TTC17: variants seen among roughly 807,000 people sequenced by gnomAD.
The protein encoded by TTC17 is tetratricopeptide repeat protein 17.
Under a neutral mutation model 143.8 loss-of-function variants are expected in TTC17, and 58 were observed. The ratio of observed to expected loss-of-function variants is 0.40; its 90% confidence interval spans 0.33 to 0.50. The LOEUF (loss-of-function observed/expected upper bound fraction) is 0.50, where lower values mean the gene tolerates loss of function less well. Ranked by LOEUF, TTC17 falls within the 20% of genes least tolerant of loss-of-function variation. The probability of loss-of-function intolerance (pLI) is 0.49; values close to 1 mark genes in which losing one functional copy is unlikely to be tolerated. For synonymous variants in TTC17, 501 were observed against 497.8 expected (o/e 1.01, Z -0.09); for missense variants, 1,273 against 1,392.5 (o/e 0.91, Z 1.37).
chr11:43,391,712 T>C, intron 4 of TTC17, 109 bp from the exon 5 acceptor site: 3 of 1,425,742 alleles, frequency 2.1e-6, no homozygotes, highest in Non-Finnish European at 2.8e-6. Context: ...CTCTTATTTC[T>C]TAAAATTCCA....
At chr11:43,403,277 A>T (rs886341574) in intron 10 of TTC17, among the ~76,000 whole-genome samples, 1 of 152,166 alleles carries the variant, frequency 6.6e-6, no homozygotes, top group East Asian at 1.9e-4. Context: ...TTGTATCACC[A>T]CTATATAGTG....
At chr11:43,433,394 A>G (rs1947205126) in intron 16 of TTC17, among the ~76,000 whole-genome samples, 1 of 152,150 alleles carries the variant, frequency 6.6e-6, no homozygotes, top group South Asian at 2.1e-4. Context: ...TTTGATGCCT[A>G]CTTCCAAGAA....
rs1199240747 is a variant in TTC17, at chr11:43,391,514, C to A, written c.469C>A (p.Gln157Lys). 2 of 1,608,492 alleles carry A rather than the reference C, an allele frequency of 1.2e-6. No individual in the cohort carries two copies. The highest frequency in any genetic ancestry group is 3.4e-5 in the Admixed American group (2 of 58,182). The part of the protein sequence containing the change: ...TESPVPPDPE[Q>K]PDCTKILELP... ...ATCTCCTGTCCCTCCAGACCCAGAGCAACCTGATTGTACTAAAATTCTAGA... is the reference window on the plus strand; with the variant it reads ...ATCTCCTGTCCCTCCAGACCCAGAGAAACCTGATTGTACTAAAATTCTAGA... The change falls in exon 4 of 24, where the codon CAA becomes AAA. Residue 157 changes from glutamine to lysine, a missense_variant. Coordinates refer to ENST00000039989, the MANE Select transcript of TTC17 (RefSeq NM_018259.6).
At chr11:43,382,321 G>A (rs1390452204) in intron 2 of TTC17, among the ~76,000 whole-genome samples, 14 of 152,158 alleles carry the variant, frequency 9.2e-5, no homozygotes, top group Admixed American at 5.2e-4. Context: ...CCTAGTGGAA[G>A]TTCATAGAAT....
intron 16 of TTC17, among the ~76,000 whole-genome samples, chr11:43,429,544 A>T (rs1947105998): frequency 6.6e-6 from 1 of 152,200 alleles, no homozygotes; most frequent in South Asian, 2.1e-4. Context: ...CAACTGAAAG[A>T]TATATTTTTG....
At chr11:43,489,291 GAATGGTC>G (rs1388108970) in intron 21 of TTC17, among the ~76,000 whole-genome samples, 1 of 152,134 alleles carries the variant, frequency 6.6e-6, no homozygotes, top group Admixed American at 6.5e-5. Flanking sequence ...AAATATGGAA[GAATGGTC>G]AACTCTACTC....
At chr11:43,421,211 G>A (rs1217839595) in intron 16 of TTC17, among the ~76,000 whole-genome samples, 1 of 152,146 alleles carries the variant, frequency 6.6e-6, no homozygotes, top group Non-Finnish European at 1.5e-5. Context: ...CATAAGACTT[G>A]AGGAAGGATA....
intron 20 of TTC17, among the ~76,000 whole-genome samples, chr11:43,450,651 G>C (rs1158160756): frequency 2.6e-5 from 4 of 152,172 alleles, no homozygotes; most frequent in Non-Finnish European, 5.9e-5. Flanking sequence ...TCCAACAGTA[G>C]AGGATTGGTT....
chr11:43,483,065 A>G (rs1290731294), intron 21 of TTC17, among the ~76,000 whole-genome samples: 1 of 152,198 alleles, frequency 6.6e-6, no homozygotes, highest in Non-Finnish European at 1.5e-5. Context: ...TTGCAACTTT[A>G]TGCCAATAAA....
At chr11:43,405,062 G>A (rs1435638548) in intron 11 of TTC17, among the ~76,000 whole-genome samples, 2 of 150,846 alleles carry the variant, frequency 1.3e-5, no homozygotes, top group African/African-American at 4.9e-5. Flanking sequence ...CAGTGGCCCA[G>A]TGATGTCATC....
intron 15 of TTC17, among the ~76,000 whole-genome samples, chr11:43,414,387 A>T (rs929702264): frequency 6.6e-6 from 1 of 152,098 alleles, no homozygotes; most frequent in East Asian, 1.9e-4. Flanking sequence ...CATACTTTAT[A>T]TATTTTTTAT....
At chr11:43,460,024 C>T (rs1370420114) in intron 21 of TTC17, among the ~76,000 whole-genome samples, 1 of 152,092 alleles carries the variant, frequency 6.6e-6, no homozygotes, top group Non-Finnish European at 1.5e-5. Context: ...CAGGGAGCAT[C>T]TGTAGTAGTA....
intron 12 of TTC17, 55 bp downstream of exon 12, chr11:43,405,684 G>C: frequency 1.2e-6 from 2 of 1,610,452 alleles, no homozygotes; most frequent in Non-Finnish European, 1.7e-6. Flanking sequence ...GTCATCTAGC[G>C]GTTCTTTGAG....
chr11:43,387,338 A>G (rs1029894576), intron 2 of TTC17, among the ~76,000 whole-genome samples: 6 of 152,172 alleles, frequency 3.9e-5, no homozygotes, highest in South Asian at 4.1e-4. Context: ...CAAATAATAT[A>G]AGCCTGGTTA....
intron 21 of TTC17, among the ~76,000 whole-genome samples, chr11:43,487,641 C>T (rs1948403992): frequency 6.6e-6 from 1 of 152,216 alleles, no homozygotes; most frequent in Admixed American, 6.5e-5. Context: ...TGTCTTTTAG[C>T]TCTGAAAGCA....
At chr11:43,384,940 G>A (rs1157589043) in intron 2 of TTC17, among the ~76,000 whole-genome samples, 1 of 152,138 alleles carries the variant, frequency 6.6e-6, no homozygotes, top group Non-Finnish European at 1.5e-5. Context: ...GGCAAAATAA[G>A]AGCCTAAAAT....
intron 16 of TTC17, among the ~76,000 whole-genome samples, chr11:43,440,623 G>A (rs2134718539): frequency 6.6e-6 from 1 of 151,722 alleles, no homozygotes. Flanking sequence ...TTTCTAATTG[G>A]TCTCTTTGTC....
intron 18 of TTC17, among the ~76,000 whole-genome samples, chr11:43,447,076 T>C (rs1202853765): frequency 2.0e-5 from 3 of 152,098 alleles, no homozygotes; most frequent in Admixed American, 6.6e-5. Flanking sequence ...TCCCAGCACT[T>C]TGGGAGGCCA....
At chr11:43,426,663 T>C (rs569234023) in intron 16 of TTC17, among the ~76,000 whole-genome samples, 1 of 152,318 alleles carries the variant, frequency 6.6e-6, no homozygotes. Flanking sequence ...GTGCTTGATC[T>C]TTTTCCTTCT....
Sources: allele counts gnomAD v4.1 joint callset (sites outside exome capture counted in the v4.1 genomes callset), GRCh38; gene constraint gnomAD v4.1.1; transcripts MANE v1.5; gene names NCBI Gene and HGNC (gene_info 2026-07-23, HGNC 2026-07-21).